MAD1L1: variants seen among roughly 807,000 people sequenced by gnomAD.
The protein encoded by MAD1L1 is mitotic spindle assembly checkpoint protein MAD1.
A neutral mutation model predicts 96.9 loss-of-function variants in MAD1L1; 95 were observed. The ratio of observed to expected loss-of-function variants is 0.98; its 90% CI spans 0.83 to 1.16. The LOEUF (loss-of-function observed/expected upper bound fraction) is 1.16. Ranked by LOEUF, MAD1L1 falls within the 50% of genes most tolerant of loss-of-function variation. The pLI, the probability that MAD1L1 is intolerant of heterozygous loss-of-function variation, is 0.00. For missense variants in MAD1L1, 1,007 were observed against 954.4 expected, an observed-to-expected ratio of 1.06 and a Z score of -0.73; for synonymous variants, 473 against 396.6, an observed-to-expected ratio of 1.19 and a Z score of -2.29.
chr7:1,865,352 C>T (rs1311196438), intron 18 of MAD1L1, among the ~76,000 whole-genome samples: 2 of 152,222 alleles, frequency 1.3e-5, no homozygotes, highest in Non-Finnish European at 2.9e-5. Flanking sequence ...TTGCCGGGCA[C>T]AGATGGGGCC....
chr7:1,859,481 G>A (rs1209818372), intron 18 of MAD1L1, among the ~76,000 whole-genome samples: 2 of 152,232 alleles, frequency 1.3e-5, no homozygotes, highest in African/African-American at 2.4e-5. Context: ...TGGGGCAGGT[G>A]GCTGCGAGGC....
chr7:1,820,698 A>C (rs1330878627), intron 18 of MAD1L1, among the ~76,000 whole-genome samples: 2 of 152,086 alleles, frequency 1.3e-5, no homozygotes, highest in Non-Finnish European at 2.9e-5. Flanking sequence ...AGCTATGATC[A>C]CACCACTGCA....
chr7:1,928,573 TGGTCCTGCACTTCAGAC>T (rs1789236192), intron 17 of MAD1L1, among the ~76,000 whole-genome samples: 1 of 152,210 alleles, frequency 6.6e-6, no homozygotes, highest in Non-Finnish European at 1.5e-5. Flanking sequence ...CAAACAGGCA[TGGTCCTGCACTTCAGAC>T]GCCAGCCCTT....
intron 3 of MAD1L1, among the ~76,000 whole-genome samples, chr7:2,228,833 C>T (rs1029972375): frequency 5.3e-5 from 8 of 151,892 alleles, no homozygotes; most frequent in African/African-American, 1.9e-4. Context: ...CTCTGACTCC[C>T]GGGTTCACAC....
intron 12 of MAD1L1, among the ~76,000 whole-genome samples, chr7:2,065,667 G>C (rs1210773696): frequency 6.6e-6 from 1 of 152,138 alleles, no homozygotes; most frequent in Non-Finnish European, 1.5e-5. Flanking sequence ...CAGTGTGCGG[G>C]TTCCCAGGGC....
intron 17 of MAD1L1, among the ~76,000 whole-genome samples, chr7:1,907,353 G>A (rs1039593020): frequency 2.6e-5 from 4 of 152,222 alleles, no homozygotes; most frequent in African/African-American, 4.8e-5. Flanking sequence ...AGGCAGCTTC[G>A]GAACTTTTCC....
At chr7:1,967,938 A>G (rs1468663388) in intron 15 of MAD1L1, among the ~76,000 whole-genome samples, 1 of 152,116 alleles carries the variant, frequency 6.6e-6, no homozygotes, top group African/African-American at 2.4e-5. Context: ...TGCTGGTAAT[A>G]AACAAGTCCT....
rs114816841 is a variant in MAD1L1 at position 1,867,879 on chromosome 7, G to A, written c.1998+30321C>T. Among the ~76,000 whole-genome samples, 934 of 152,350 alleles carry A rather than the reference G, an allele frequency of 6.1e-3. 8 individuals are homozygous for A. Among genetic ancestry groups the A allele is most frequent in the African/African-American group, 0.017 (719 of 41,566 alleles). On this transcript the variant is annotated intron_variant, in intron 18 of 18. Coordinates refer to ENST00000265854, the MANE Select transcript of MAD1L1 (RefSeq NM_001013836.2). Reference sequence around the variant, plus strand: ...AAAAATAAATGGCGATGCATCGGAGGCAGTCCCTGCCCAGATGAGAGCCAC... The same window carrying A: ...AAAAATAAATGGCGATGCATCGGAGACAGTCCCTGCCCAGATGAGAGCCAC...
intron 17 of MAD1L1, among the ~76,000 whole-genome samples, chr7:1,923,591 G>A (rs1788925602): frequency 6.6e-6 from 1 of 152,260 alleles, no homozygotes; most frequent in Non-Finnish European, 1.5e-5. Flanking sequence ...CCTCCCTCCA[G>A]ACAGGGTGCG....
chr7:1,887,451 G>A (rs1017524203), intron 18 of MAD1L1, among the ~76,000 whole-genome samples: 3 of 151,858 alleles, frequency 2.0e-5, no homozygotes, highest in Admixed American at 1.3e-4. Context: ...GCCTCTGTGT[G>A]TGCGTGCACA....
chr7:1,972,339 T>C (rs1388697886), intron 15 of MAD1L1, among the ~76,000 whole-genome samples: 1 of 152,252 alleles, frequency 6.6e-6, no homozygotes, highest in Non-Finnish European at 1.5e-5. Context: ...CCTAGGGATA[T>C]CCTTCGCATC....
chr7:2,056,520 C>G (rs1195454443), intron 12 of MAD1L1, among the ~76,000 whole-genome samples: 1 of 152,204 alleles, frequency 6.6e-6, no homozygotes, highest in Non-Finnish European at 1.5e-5. Context: ...CACAGAATGG[C>G]TATCCAGGAA....
chr7:1,830,387 A>C (rs1374371583), intron 18 of MAD1L1, among the ~76,000 whole-genome samples: 2 of 152,110 alleles, frequency 1.3e-5, no homozygotes, highest in Non-Finnish European at 2.9e-5. Flanking sequence ...ACAGAGTGAG[A>C]CTCTGTCTCA....
intron 11 of MAD1L1, among the ~76,000 whole-genome samples, chr7:2,124,388 G>A (rs530223844): frequency 9.2e-5 from 14 of 152,340 alleles, no homozygotes; most frequent in Non-Finnish European, 1.5e-4. Flanking sequence ...CCAACGTGCC[G>A]AAAGGAAGAG....
chr7:1,816,279 C>T (rs1163368952), intron 18 of MAD1L1, 51 bp from the exon 19 acceptor site: 1 of 1,561,626 alleles, frequency 6.4e-7, no homozygotes, highest in East Asian at 2.3e-5. Context: ...CGACAGGCCT[C>T]TCCCTCTCCC....
chr7:2,018,516 G>A (rs539703372), intron 12 of MAD1L1, among the ~76,000 whole-genome samples: 49 of 152,328 alleles, frequency 3.2e-4, no homozygotes, highest in South Asian at 6.2e-4. Flanking sequence ...CCATGGCCAC[G>A]CCTGGTGAGG....
At chr7:2,185,274 C>A (rs1438383376) in intron 10 of MAD1L1, among the ~76,000 whole-genome samples, 3 of 151,478 alleles carry the variant, frequency 2.0e-5, no homozygotes, top group African/African-American at 7.3e-5. Context: ...AGTACAATTC[C>A]ATTTATTTAC....
intron 12 of MAD1L1, among the ~76,000 whole-genome samples, chr7:2,042,831 T>A (rs891775316): frequency 6.6e-6 from 1 of 152,078 alleles, no homozygotes; most frequent in Non-Finnish European, 1.5e-5. Flanking sequence ...GATTCCTTTA[T>A]AGAGACACAA....
At chr7:1,938,741 C>T (rs532687846) in intron 16 of MAD1L1, among the ~76,000 whole-genome samples, 101 of 90,082 alleles carry the variant, frequency 1.1e-3, no homozygotes, top group African/African-American at 3.9e-3. Flanking sequence ...GCCAGAGGCG[C>T]GCACGCACAC....
Sources: allele counts gnomAD v4.1 joint callset (sites outside exome capture counted in the v4.1 genomes callset), GRCh38; gene constraint gnomAD v4.1.1; transcripts MANE v1.5; gene names NCBI Gene and HGNC (gene_info 2026-07-23, HGNC 2026-07-21).